ZNF723: variants seen among roughly 807,000 people sequenced by gnomAD.
The protein encoded by ZNF723 is zinc finger protein 723, pseudogene.
Under a neutral mutation model 9.4 loss-of-function variants are expected in ZNF723, and 5 were observed. The ratio of observed to expected loss-of-function variants is 0.53; its 90% CI spans 0.28 to 1.12. The LOEUF (loss-of-function observed/expected upper bound fraction) is 1.12, where lower values mean the gene tolerates loss of function less well. ZNF723 is among the 50% of genes most tolerant of loss of function. The pLI is 0.10. For synonymous variants in ZNF723, 158 were observed against 168.8 expected, an observed-to-expected ratio of 0.94 and a Z score of 0.49; for missense variants, 450 against 501.5, an observed-to-expected ratio of 0.90 and a Z score of 0.98.
At chr19:22,834,029 C>T (rs1967133612) in intron 1 of ZNF723, among the ~76,000 whole-genome samples, 1 of 149,716 alleles carries the variant, frequency 6.7e-6, no homozygotes, top group Non-Finnish European at 1.5e-5. Flanking sequence ...GATTTTCCTG[C>T]CTCAGCCTCC....
the ZNF723 span, among the ~76,000 whole-genome samples, chr19:22,814,505 C>T: frequency 0.19 from 29,115 of 152,120 alleles, 2,731 homozygotes; most frequent in African/African-American, 0.23. Context: ...ACTCTCAAAG[C>T]AAGATTCAGG....
At chr19:22,856,233 A>G (rs191222457) in intron 3 of ZNF723, among the ~76,000 whole-genome samples, 35 of 152,348 alleles carry the variant, frequency 2.3e-4, no homozygotes, top group Admixed American at 3.9e-4. Context: ...TGCTGGGATT[A>G]TAGACATGAG....
chr19:22,846,813 C>CTTTTTTTTTTTTTT (rs760924027), intron 1 of ZNF723, among the ~76,000 whole-genome samples: 2 of 69,132 alleles, frequency 2.9e-5, no homozygotes, highest in Non-Finnish European at 5.4e-5. Context: ...CTATAATTTC[C>CTTTTTTTTTTTTTT]TTTTTTTTTT....
At chr19:22,830,127 T>G (rs1231663196), upstream of ZNF723, among the ~76,000 whole-genome samples, 1 of 151,078 alleles carries the variant, frequency 6.6e-6, no homozygotes. Context: ...TAAGCTTATC[T>G]CTCAGCTTTT....
At chr19:22,848,715 G>A (rs952624431) in intron 2 of ZNF723, among the ~76,000 whole-genome samples, 1 of 149,776 alleles carries the variant, frequency 6.7e-6, no homozygotes, top group Admixed American at 6.8e-5. Flanking sequence ...CAGTGGTACT[G>A]GGTAGAGAAA....
the ZNF723 span, among the ~76,000 whole-genome samples, chr19:22,816,681 A>G: frequency 6.6e-6 from 1 of 150,830 alleles, no homozygotes; most frequent in Non-Finnish European, 1.5e-5. Context: ...TCCAGCATTT[A>G]GTCAATGCGA....
At chr19:22,843,408 G>T (rs1271983440) in intron 1 of ZNF723, among the ~76,000 whole-genome samples, 1 of 152,184 alleles carries the variant, frequency 6.6e-6, no homozygotes, top group Non-Finnish European at 1.5e-5. Context: ...CCTTACACAA[G>T]AAATGACTTT....
intron 3 of ZNF723, among the ~76,000 whole-genome samples, chr19:22,851,775 A>G (rs1967399200): frequency 6.6e-6 from 1 of 152,090 alleles, no homozygotes; most frequent in African/African-American, 2.4e-5. Context: ...AATTTTGAAT[A>G]AAGTATTACT....
At chr19:22,846,545 C>T (rs1159734463) in intron 1 of ZNF723, among the ~76,000 whole-genome samples, 1 of 152,080 alleles carries the variant, frequency 6.6e-6, no homozygotes, top group Admixed American at 6.5e-5. Context: ...ATCGCTTGAA[C>T]CCGGGAGGTG....
chr19:22,825,192 T>G, the ZNF723 span, among the ~76,000 whole-genome samples: 1 of 152,052 alleles, frequency 6.6e-6, no homozygotes, highest in Non-Finnish European at 1.5e-5. Context: ...ACAGGTGGGG[T>G]AGTGACTCTT....
rs1967108514 is a variant in ZNF723, at chr19:22,832,370, A to C, written c.-10A>C. 7.2e-7 allele frequency: 1 copy of C among 1,382,012 alleles called. No homozygotes were observed. The highest frequency in any genetic ancestry group is 1.4e-5 in the African/African-American group (1 of 69,598). The allele number at this position is 1,382,012 out of a possible 1,614,324, so 85.6% of individuals were successfully genotyped here. A position where few individuals can be genotyped will look rare whatever the true frequency, so the allele number is the denominator to read the frequency against. On this transcript the variant is annotated 5_prime_UTR_variant, in exon 1 of 4. Coordinates refer to ENST00000600766, the MANE Select transcript of ZNF723 (RefSeq NM_001349726.2). ...CAGCTAAGACGCCAGGACTCCCTGG[A>C]AGCCTAGAAATGGTGAGAGTACCGG...
chr19:22,829,321 T>C (rs1967069585), upstream of ZNF723, among the ~76,000 whole-genome samples: 1 of 151,662 alleles, frequency 6.6e-6, no homozygotes, highest in African/African-American at 2.4e-5. Flanking sequence ...CGTCTTGCTC[T>C]GTGGCCCAGA....
the ZNF723 span, among the ~76,000 whole-genome samples, chr19:22,819,571 C>A: frequency 6.6e-6 from 1 of 151,508 alleles, no homozygotes; most frequent in Non-Finnish European, 1.5e-5. Flanking sequence ...TCATAACTGA[C>A]CCCTGCCATC....
the ZNF723 span, among the ~76,000 whole-genome samples, chr19:22,816,636 T>C: frequency 1.3e-5 from 2 of 152,256 alleles, no homozygotes; most frequent in East Asian, 3.8e-4. Flanking sequence ...CTGCCTGGGC[T>C]CAGCCCACAG....
At chr19:22,813,943 C>A in the ZNF723 span, among the ~76,000 whole-genome samples, 835 of 151,894 alleles carry the variant, frequency 5.5e-3, 9 homozygotes, top group African/African-American at 0.017. Flanking sequence ...ACCCGAGTAG[C>A]TGGGACTACA....
At chr19:22,850,040 C>T (rs187107980) in intron 3 of ZNF723, among the ~76,000 whole-genome samples, 363 of 151,606 alleles carry the variant, frequency 2.4e-3, no homozygotes, top group African/African-American at 8.4e-3. Context: ...CATAATTCAT[C>T]CTGTTTTTAT....
intron 3 of ZNF723, among the ~76,000 whole-genome samples, chr19:22,850,453 C>G (rs1054360944): frequency 1.4e-5 from 2 of 147,504 alleles, no homozygotes; most frequent in African/African-American, 5.0e-5. Flanking sequence ...GTGATCGGCC[C>G]ACGTCGGCCT....
chr19:22,845,937 G>A (rs1424394432), intron 1 of ZNF723, among the ~76,000 whole-genome samples: 2 of 137,004 alleles, frequency 1.5e-5, no homozygotes, highest in Non-Finnish European at 3.0e-5. Flanking sequence ...CAAGAACTGC[G>A]TCCACTCTGC....
intron 1 of ZNF723, among the ~76,000 whole-genome samples, chr19:22,847,035 ATTTTT>A (rs142337015): frequency 6.6e-5 from 9 of 137,280 alleles, no homozygotes; most frequent in African/African-American, 1.3e-4. Flanking sequence ...TCTCTGACAG[ATTTTT>A]TTTTTTTTTT....
Sources: gnomAD v4.1 joint callset for allele counts (sites outside exome capture counted in the v4.1 genomes callset) on GRCh38, gnomAD v4.1.1 for gene constraint, MANE v1.5 for transcripts, NCBI Gene and HGNC (gene_info 2026-07-23, HGNC 2026-07-21) for gene names.